DPP10: variants seen among roughly 807,000 people sequenced by gnomAD.
DPP10 encodes inactive dipeptidyl peptidase 10.
In DPP10, 33 loss-of-function variants were observed where a neutral mutation model predicts 120.9. The observed-to-expected ratio is 0.27, with a 90% CI of 0.21 to 0.37. The LOEUF (loss-of-function observed/expected upper bound fraction) is 0.37, where lower values mean the gene tolerates loss of function less well. DPP10 is among the 10% of genes least tolerant of loss of function. DPP10 has a pLI of 1.00. For synonymous variants in DPP10, 337 were observed against 326.1 expected (o/e 1.03, Z -0.36); for missense variants, 816 against 942.8 (o/e 0.87, Z 1.76).
intron 3 of DPP10, among the ~76,000 whole-genome samples, chr2:115,391,844 G>A (rs1375225795): frequency 1.3e-5 from 2 of 152,020 alleles, no homozygotes; most frequent in African/African-American, 4.8e-5. Context: ...ATGTCTTTAC[G>A]GTATTTCCAG....
chr2:114,878,608 A>C (rs938560200), intron 1 of DPP10, among the ~76,000 whole-genome samples: 2 of 152,062 alleles, frequency 1.3e-5, no homozygotes, highest in Non-Finnish European at 1.5e-5. Flanking sequence ...TCTAGACTCC[A>C]GTGTCTAACA....
At chr2:114,595,670 AC>A (rs2105191394) in intron 1 of DPP10, among the ~76,000 whole-genome samples, 1 of 152,230 alleles carries the variant, frequency 6.6e-6, no homozygotes, top group South Asian at 2.1e-4. Context: ...TCATACAGTG[AC>A]CCTTCAAACA....
intron 3 of DPP10, among the ~76,000 whole-genome samples, chr2:115,385,213 G>T (rs2066831533): frequency 6.6e-6 from 1 of 152,100 alleles, no homozygotes; most frequent in East Asian, 1.9e-4. Flanking sequence ...TCATTCCGGA[G>T]GGGTCCTGCC....
In DPP10 at chr2:114,991,770, T is replaced by C. The variant is rs1700766933; in HGVS notation, c.61-317469T>C. Among the ~76,000 whole-genome samples, 3 of 151,884 alleles carry C rather than the reference T, an allele frequency of 2.0e-5. No individual in the cohort carries two copies. The South Asian group carries it at 6.2e-4, about 32-fold the overall frequency. Reference sequence around the variant, plus strand: ...ATTTTGAGAGCTTTTTGGAGATGAGTGTGGAAAGAAAACAGAAAAAGTGGC... The same window carrying C: ...ATTTTGAGAGCTTTTTGGAGATGAGCGTGGAAAGAAAACAGAAAAAGTGGC... On this transcript the variant is annotated intron_variant, in intron 1 of 25. Coordinates refer to ENST00000410059, the MANE Select transcript of DPP10 (RefSeq NM_020868.6).
intron 1 of DPP10, among the ~76,000 whole-genome samples, chr2:114,674,283 C>G (rs1211203111): frequency 1.3e-5 from 2 of 151,730 alleles, no homozygotes; most frequent in African/African-American, 2.4e-5. Flanking sequence ...ATCATTATAA[C>G]GTAAGTATTC....
intron 1 of DPP10, among the ~76,000 whole-genome samples, chr2:114,703,675 T>C (rs1006932972): frequency 1.4e-4 from 22 of 152,182 alleles, no homozygotes; most frequent in African/African-American, 5.3e-4. Flanking sequence ...GTGACTGGTA[T>C]ATCAGGCACG....
chr2:114,895,146 G>A (rs566093213), intron 1 of DPP10, among the ~76,000 whole-genome samples: 1 of 151,992 alleles, frequency 6.6e-6, no homozygotes, highest in Non-Finnish European at 1.5e-5. Context: ...AGCCATTTAA[G>A]TATTGACTAC....
At chr2:114,701,819 C>A (rs909345440) in intron 1 of DPP10, among the ~76,000 whole-genome samples, 1 of 152,008 alleles carries the variant, frequency 6.6e-6, no homozygotes, top group East Asian at 1.9e-4. Flanking sequence ...ATGGTAAAAT[C>A]TGGTATTATA....
chr2:115,724,123 T>C (rs971521568), intron 7 of DPP10, among the ~76,000 whole-genome samples: 3 of 152,220 alleles, frequency 2.0e-5, no homozygotes, highest in African/African-American at 7.2e-5. Context: ...GTATCTGCCA[T>C]TGTCGCAGGT....
At chr2:115,565,769 G>GTTTTTTTTTTTTTTTTTTTTTT (rs144846765) in intron 5 of DPP10, among the ~76,000 whole-genome samples, 1 of 136,220 alleles carries the variant, frequency 7.3e-6, no homozygotes. Context: ...TGTTTGTTTT[G>GTTTTTTTTTTTTTTTTTTTTTT]TTTTTTTTTG....
intron 1 of DPP10, among the ~76,000 whole-genome samples, chr2:114,712,132 C>T (rs2105869220): frequency 1.3e-5 from 2 of 152,126 alleles, no homozygotes; most frequent in South Asian, 4.2e-4. Context: ...ACAGCCTAGC[C>T]AACATGGTGA....
chr2:114,636,282 G>A (rs1695296251), intron 1 of DPP10, among the ~76,000 whole-genome samples: 1 of 151,950 alleles, frequency 6.6e-6, no homozygotes, highest in Non-Finnish European at 1.5e-5. Flanking sequence ...AAAAAGATGT[G>A]CAACAAGTAG....
At chr2:115,492,536 C>G (rs1157213176) in intron 3 of DPP10, among the ~76,000 whole-genome samples, 1 of 151,876 alleles carries the variant, frequency 6.6e-6, no homozygotes, top group Admixed American at 6.6e-5. Flanking sequence ...TATTTATGAG[C>G]CTTAGATGGG....
chr2:115,788,753 G>A (rs775473273), intron 17 of DPP10, among the ~76,000 whole-genome samples: 26 of 152,138 alleles, frequency 1.7e-4, no homozygotes, highest in Non-Finnish European at 3.1e-4. Flanking sequence ...TCCAGATGCA[G>A]CTAGTTTCAC....
chr2:115,265,268 C>CATATATATATATATATATAT (rs55778302), intron 1 of DPP10, among the ~76,000 whole-genome samples: 30 of 142,496 alleles, frequency 2.1e-4, no homozygotes, highest in African/African-American at 6.3e-4. Flanking sequence ...CTTTGGATTC[C>CATATATATATATATATATAT]ATATATATAT....
chr2:114,640,593 T>A (rs1695635084), intron 1 of DPP10, among the ~76,000 whole-genome samples: 1 of 151,774 alleles, frequency 6.6e-6, no homozygotes, highest in Non-Finnish European at 1.5e-5. Context: ...TTGTAGTGGT[T>A]ATTTCCTGTT....
intron 5 of DPP10, among the ~76,000 whole-genome samples, chr2:115,667,757 G>C (rs1475759057): frequency 6.6e-6 from 1 of 152,022 alleles, no homozygotes; most frequent in African/African-American, 2.4e-5. Flanking sequence ...GTAGTTTAAA[G>C]TTGGGTAATA....
intron 2 of DPP10, among the ~76,000 whole-genome samples, chr2:115,320,020 G>A (rs373544980): frequency 4.6e-5 from 7 of 152,142 alleles, no homozygotes; most frequent in African/African-American, 1.7e-4. Context: ...TATGAATTTG[G>A]AAGGGGAATA....
chr2:115,751,787 G>T (rs894088047), intron 10 of DPP10, among the ~76,000 whole-genome samples: 1 of 122,498 alleles, frequency 8.2e-6, no homozygotes, highest in African/African-American at 3.2e-5. Context: ...TTAATTAACT[G>T]TGTTTTTTTT....
Sources: gnomAD v4.1 joint callset for allele counts (sites outside exome capture counted in the v4.1 genomes callset) on GRCh38, gnomAD v4.1.1 for gene constraint, MANE v1.5 for transcripts, NCBI Gene and HGNC (gene_info 2026-07-23, HGNC 2026-07-21) for gene names.